Variants in ARFGEF3 observed in about 807,000 individuals in gnomAD.
ARFGEF3 encodes ARFGEF family member 3, also known as brefeldin A-inhibited guanine nucleotide-exchange protein 3.
Under a neutral mutation model 221.7 loss-of-function variants are expected in ARFGEF3, and 96 were observed. The ratio of observed to expected loss-of-function variants is 0.43; its 90% confidence interval spans 0.37 to 0.51. ARFGEF3 has a LOEUF of 0.51. ARFGEF3 is among the 20% of genes least tolerant of loss of function. The pLI, the probability that ARFGEF3 is intolerant of heterozygous loss-of-function variation, is 0.00. For synonymous variants in ARFGEF3, 1,145 were observed against 1,126.8 expected, an observed-to-expected ratio of 1.02 and a Z score of -0.32; for missense variants, 2,410 against 2,789.9, an observed-to-expected ratio of 0.86 and a Z score of 3.07.
At chr6:138,223,337 G>A (rs1411990905) in intron 4 of ARFGEF3, among the ~76,000 whole-genome samples, 1 of 152,194 alleles carries the variant, frequency 6.6e-6, no homozygotes, top group Non-Finnish European at 1.5e-5. Flanking sequence ...TGAGAGGCCA[G>A]AAGGAAATGT....
Position 138,287,267 on chromosome 6 carries a change from C to T in ARFGEF3, c.2896+83C>T, listed in dbSNP as rs1428957478. On this transcript the variant is annotated intron_variant, in intron 17 of 33. Transcript: ENST00000251691. The stretch of plus-strand genomic sequence containing the variant: ...GCACAGGCCTACACACGCCAGCCAA[C>T]ACTCGTGCCTGTTCTGTGTGTGATG... 4 of 1,003,138 alleles carry T rather than the reference C, an allele frequency of 4.0e-6. No individual in the cohort carries two copies. In the African/African-American group the frequency reaches 4.8e-5, roughly 12 times the overall value. The allele number at this position is 1,003,138 out of a possible 1,614,324, so 62.1% of individuals were successfully genotyped here. A position where few individuals can be genotyped will look rare whatever the true frequency, so the allele number is the denominator to read the frequency against.
At chr6:138,231,666 A>G (rs1778194412) in intron 5 of ARFGEF3, among the ~76,000 whole-genome samples, 1 of 152,260 alleles carries the variant, frequency 6.6e-6, no homozygotes, top group Non-Finnish European at 1.5e-5. Context: ...TAAACCATTT[A>G]AAACTCCTGT....
rs188034910 is a variant in ARFGEF3 at position 138,241,387 on chromosome 6, T to A, written c.544-1565T>A. Among the ~76,000 whole-genome samples, 4 of 152,314 alleles carry A rather than the reference T, an allele frequency of 2.6e-5. No individual in the cohort carries two copies. In the East Asian group the frequency reaches 7.7e-4, roughly 29 times the overall value. Reference sequence around the variant, plus strand: ...CATTCACCTTATGTAAAATTTAGATTTACTGGGCACTAAGTAAAATCTCAC... The same window carrying A: ...CATTCACCTTATGTAAAATTTAGATATACTGGGCACTAAGTAAAATCTCAC... On this transcript the variant is annotated intron_variant, in intron 6 of 33. Transcript: ENST00000251691.
rs976656859 is a variant in ARFGEF3 at position 138,262,789 on chromosome 6, G to A, written c.1306G>A (p.Ala436Thr). ...GTCCTGTGTCTGCACCTTGCTGGGT[G>A]CCCTGGATGAGCTCAGCCAGGGGAA... ...AVSCVCTLLG[A>T]LDELSQGKGL... The change falls in exon 12 of 34, where the codon GCC (alanine) becomes ACC (threonine). Residue 436 changes from alanine (A) to threonine (T), a missense_variant. Transcript: ENST00000251691. 5 of 1,613,914 alleles carry A rather than the reference G, an allele frequency of 3.1e-6. No homozygotes were observed. In the African/African-American group the frequency reaches 6.7e-5, roughly 22 times the overall value.
intron 18 of ARFGEF3, among the ~76,000 whole-genome samples, chr6:138,290,542 G>A (rs1779384339): frequency 6.6e-6 from 1 of 152,232 alleles, no homozygotes; most frequent in Non-Finnish European, 1.5e-5. Flanking sequence ...GTTATATAGT[G>A]CACAGTGCCT....
intron 21 of ARFGEF3, among the ~76,000 whole-genome samples, chr6:138,297,771 A>G (rs1779547722): frequency 1.3e-5 from 2 of 152,192 alleles, no homozygotes; most frequent in Non-Finnish European, 2.9e-5. Flanking sequence ...TCATGATTCC[A>G]TGAGTCAGAA....
intron 2 of ARFGEF3, among the ~76,000 whole-genome samples, chr6:138,196,722 T>TTTTTTAAC (rs1440919658): frequency 6.6e-6 from 1 of 152,232 alleles, no homozygotes; most frequent in Non-Finnish European, 1.5e-5. Flanking sequence ...AACTTTTTAA[T>TTTTTTAAC]TTTTTAACTT....
At chr6:138,204,978 G>T (rs919436552) in intron 2 of ARFGEF3, among the ~76,000 whole-genome samples, 2 of 152,200 alleles carry the variant, frequency 1.3e-5, no homozygotes, top group African/African-American at 2.4e-5. Flanking sequence ...CCTAGCATTT[G>T]TCAACAACCT....
intron 2 of ARFGEF3, among the ~76,000 whole-genome samples, chr6:138,188,315 C>T (rs1777231075): frequency 6.6e-6 from 1 of 152,160 alleles, no homozygotes; most frequent in African/African-American, 2.4e-5. Flanking sequence ...TTCCCCCCCT[C>T]CGGTAATGAG....
In ARFGEF3 at chr6:138,335,096, C is replaced by A. The variant is rs769972538; in HGVS notation, c.6250C>A (p.Pro2084Thr). 7 of 1,601,280 alleles carry A rather than the reference C, an allele frequency of 4.4e-6. No homozygotes were observed. The highest frequency in any genetic ancestry group is 6.0e-6 in the Non-Finnish European group (7 of 1,174,828). ...GQMRHSFSAGPELLRQDKRPR... is the reference protein window; with the variant it reads ...GQMRHSFSAGTELLRQDKRPR... ...AATGCGGCATTCCTTCAGCGCAGGCCCCGAGCTGCTGCGACAGGACAAGAG... is the reference window on the plus strand; with the variant it reads ...AATGCGGCATTCCTTCAGCGCAGGCACCGAGCTGCTGCGACAGGACAAGAG... Residue 2084 changes from proline to threonine, a missense_variant, in exon 33 of 34, where the codon CCC becomes ACC. Around this residue, in one of 5 missense-constraint regions of ARFGEF3, gnomAD observed 339 missense variants for 334.9 expected, o/e 1.01. Coordinates refer to ENST00000251691, the MANE Select transcript of ARFGEF3 (RefSeq NM_020340.5).
rs1410494210 is a variant in ARFGEF3 at position 138,313,807 on chromosome 6, A to T, written c.4213A>T (p.Ile1405Phe). ...LRRCSQLLAK[I>F]YKMPLKPIFL... ...TATTTTAATTTAGTTATTGGCCAAA[A>T]TCTACAAAATGCCCTTGAAGCCAAT... The change falls in exon 26 of 34, where the codon ATC becomes TTC. Residue 1405 changes from isoleucine to phenylalanine, a missense_variant. Physicochemically the swap from Ile to Phe is conservative, Grantham distance 21. Coordinates refer to ENST00000251691, the MANE Select transcript of ARFGEF3 (RefSeq NM_020340.5). 1 of 1,613,724 alleles carries T rather than the reference A, an allele frequency of 6.2e-7. No homozygotes were observed. The highest frequency in any genetic ancestry group is 1.7e-5 in the Admixed American group (1 of 59,982).
chr6:138,326,042 A>G (rs2114687388), intron 31 of ARFGEF3, among the ~76,000 whole-genome samples: 1 of 152,236 alleles, frequency 6.6e-6, no homozygotes, highest in South Asian at 2.1e-4. Flanking sequence ...TTTTTAGCAG[A>G]GACGGAGTTT....
rs1258390737 is a variant in ARFGEF3, at chr6:138,207,999, C to T, written c.219+876C>T. ...CACAGCAGCATTTGAATATTTTAAA[C>T]ATTAGCAATAATGTTATTAAAAACC... On this transcript the variant is annotated intron_variant, in intron 3 of 33. Transcript: ENST00000251691. Among the ~76,000 whole-genome samples the T allele has an allele frequency of 2.0e-5, 3 of 152,126 alleles. No individual in the cohort carries two copies. The East Asian group carries it at 5.8e-4, about 29-fold the overall frequency.
chr6:138,263,795 A>G (rs113602498), intron 12 of ARFGEF3, among the ~76,000 whole-genome samples, 184 bp downstream of exon 12: 19 of 152,350 alleles, frequency 1.2e-4, no homozygotes, highest in African/African-American at 4.3e-4. Context: ...TTTGAATTCT[A>G]CAGCAGTCGA....
chr6:138,325,209 A>T (rs1355852613), intron 31 of ARFGEF3, among the ~76,000 whole-genome samples: 1 of 152,228 alleles, frequency 6.6e-6, no homozygotes. Flanking sequence ...CTCAAAAGGG[A>T]AGGCCCCTTT....
chr6:138,227,590 A>G (rs1314857768), intron 4 of ARFGEF3, among the ~76,000 whole-genome samples: 21 of 152,152 alleles, frequency 1.4e-4, no homozygotes, highest in Admixed American at 1.3e-3. Context: ...GCCCAGAGGG[A>G]CCAAGTGGCC....
intron 2 of ARFGEF3, among the ~76,000 whole-genome samples, chr6:138,182,351 A>G (rs1777092795): frequency 6.6e-6 from 1 of 152,182 alleles, no homozygotes; most frequent in Non-Finnish European, 1.5e-5. Context: ...TTGATGAAGC[A>G]CCATTGTTGA....
At chr6:138,301,580 A>G (rs1218551327) in intron 22 of ARFGEF3, among the ~76,000 whole-genome samples, 1 of 152,248 alleles carries the variant, frequency 6.6e-6, no homozygotes, top group Admixed American at 6.5e-5. Flanking sequence ...GTAGTGTACT[A>G]GCAAGAAATC....
chr6:138,278,863 G>A (rs190558564), intron 13 of ARFGEF3, among the ~76,000 whole-genome samples: 70 of 152,332 alleles, frequency 4.6e-4, no homozygotes, highest in African/African-American at 1.7e-3. Flanking sequence ...GTGTATGGAC[G>A]TGAGGCTCTG....
Sources: allele counts gnomAD v4.1 joint callset (sites outside exome capture counted in the v4.1 genomes callset), GRCh38; gene constraint gnomAD v4.1.1; regional missense constraint gnomAD v4.1.1; transcripts MANE v1.5; gene names NCBI Gene and HGNC (gene_info 2026-07-23, HGNC 2026-07-21).